VWC2: variants seen among roughly 807,000 people sequenced by gnomAD.
VWC2 encodes brorin.
VWC2 carries 14 observed loss-of-function variants against 29.8 expected under a neutral mutation model. The ratio of observed to expected loss-of-function variants is 0.47; its 90% CI spans 0.31 to 0.74. The LOEUF is 0.74. Ranked by LOEUF, VWC2 falls within the 30% of genes least tolerant of loss-of-function variation. VWC2 has a pLI of 0.05. For synonymous variants in VWC2, 213 were observed against 199.0 expected (o/e 1.07, Z -0.59); for missense variants, 457 against 459.8 (o/e 0.99, Z 0.05).
At chr7:49,878,500 T>C (rs1293394783) in intron 3 of VWC2, among the ~76,000 whole-genome samples, 2 of 152,178 alleles carry the variant, frequency 1.3e-5, no homozygotes, top group Non-Finnish European at 2.9e-5. Flanking sequence ...CTGCTTTGAC[T>C]ATTTTCTTTC....
intron 3 of VWC2, among the ~76,000 whole-genome samples, chr7:49,896,684 T>C (rs919133617): frequency 6.6e-6 from 1 of 151,856 alleles, no homozygotes; most frequent in African/African-American, 2.4e-5. Flanking sequence ...ATTACTAAAA[T>C]AAGTCATAAA....
chr7:49,791,074 T>C lies in VWC2; in HGVS notation c.697-11637T>C, dbSNP rs77387199. On this transcript the variant is annotated intron_variant, in intron 2 of 3. Coordinates refer to ENST00000340652, the MANE Select transcript of VWC2 (RefSeq NM_198570.5). ...AGTCACCAGACCTGTGGGTGTGTTTTCACTCCATAAAAAGCAGAGTTGAAA... is the reference window on the plus strand; with the variant it reads ...AGTCACCAGACCTGTGGGTGTGTTTCCACTCCATAAAAAGCAGAGTTGAAA... Among the ~76,000 whole-genome samples the C allele has an allele frequency of 1.7e-3, 263 of 152,224 alleles. 1 individual carries two copies. Among genetic ancestry groups the C allele is most frequent in the African/African-American group, 6.0e-3 (250 of 41,536 alleles).
At position 49,879,749 on chromosome 7, in the gene VWC2, TTTA is replaced by T. The variant is rs548440194; in HGVS notation, c.827-32284_827-32282del. Among the ~76,000 whole-genome samples the T allele has an allele frequency of 6.2e-3, 940 of 152,316 alleles. 7 individuals carry two copies. Among genetic ancestry groups the T allele is most frequent in the African/African-American group, 0.021 (877 of 41,576 alleles). On this transcript the variant is annotated intron_variant, in intron 3 of 3. Coordinates refer to ENST00000340652, the MANE Select transcript of VWC2 (RefSeq NM_198570.5). ...TTTTATTTCTTTCCATGGTTATTTT[TTTA>T]AATAGGCCCTTTGCTATCTTGGCTA...
chr7:49,855,712 G>A (rs1482146497), intron 3 of VWC2, among the ~76,000 whole-genome samples: 1 of 152,134 alleles, frequency 6.6e-6, no homozygotes, highest in Non-Finnish European at 1.5e-5. Context: ...AGGCAAAAAC[G>A]AGTCCCCTGA....
At chr7:49,858,995 G>A (rs535880142) in intron 3 of VWC2, among the ~76,000 whole-genome samples, 2 of 152,316 alleles carry the variant, frequency 1.3e-5, no homozygotes, top group Admixed American at 6.5e-5. Flanking sequence ...CATTGTGCTT[G>A]CTAGACATTA....
Position 49,916,161 on chromosome 7 carries a change from T to G in VWC2, c.*3976T>G, listed in dbSNP as rs533068625. Reference sequence around the variant, plus strand: ...CAACTTCTTCAGTCTATTATTTTAGTTTTCTAAATGTAGATCTAGTTTTCA... The same window carrying G: ...CAACTTCTTCAGTCTATTATTTTAGGTTTCTAAATGTAGATCTAGTTTTCA... On this transcript the variant is annotated 3_prime_UTR_variant, in exon 4 of 4. Coordinates refer to ENST00000340652, the MANE Select transcript of VWC2 (RefSeq NM_198570.5). 6.6e-6 allele frequency: 1 copy of G among 152,346 alleles called. No individual in the cohort carries two copies. The highest frequency in any genetic ancestry group is 2.4e-5 in the African/African-American group (1 of 41,582). 9.4% of individuals were successfully genotyped at this position (152,346 alleles called of 1,614,324 possible).
chr7:49,911,976 TTA>T (rs752835343), intron 3 of VWC2, 56 bp from the exon 4 acceptor site: 279 of 1,263,052 alleles, frequency 2.2e-4, no homozygotes, highest in Non-Finnish European at 2.7e-4. Flanking sequence ...TAATACCTAA[TTA>T]TATATATTAT....
chr7:49,796,175 C>T (rs1473662987), intron 2 of VWC2, among the ~76,000 whole-genome samples: 1 of 152,160 alleles, frequency 6.6e-6, no homozygotes, highest in Non-Finnish European at 1.5e-5. Flanking sequence ...ATACTTTATG[C>T]TGAATAGTTG....
chr7:49,868,671 G>A (rs964544866), intron 3 of VWC2, among the ~76,000 whole-genome samples: 15 of 152,218 alleles, frequency 9.9e-5, no homozygotes, highest in Non-Finnish European at 2.2e-4. Flanking sequence ...AGGCTGAAGT[G>A]CAATGGCACG....
intron 3 of VWC2, among the ~76,000 whole-genome samples, chr7:49,878,909 C>G (rs755675640): frequency 6.6e-6 from 1 of 152,132 alleles, no homozygotes; most frequent in Non-Finnish European, 1.5e-5. Flanking sequence ...ACTGGATAGT[C>G]TAATATGTCT....
intron 3 of VWC2, among the ~76,000 whole-genome samples, chr7:49,869,841 G>C (rs947852797): frequency 9.9e-5 from 15 of 151,902 alleles, no homozygotes; most frequent in Admixed American, 7.9e-4. Flanking sequence ...AATCCAAAAC[G>C]GGAAGCTTAC....
chr7:49,862,727 T>G (rs1790706467), intron 3 of VWC2, among the ~76,000 whole-genome samples: 1 of 131,872 alleles, frequency 7.6e-6, no homozygotes, highest in African/African-American at 3.9e-5. Context: ...TGACCATGAG[T>G]TTTTTTTTTT....
At chr7:49,795,283 A>G (rs1053251278) in intron 2 of VWC2, among the ~76,000 whole-genome samples, 5 of 152,220 alleles carry the variant, frequency 3.3e-5, no homozygotes, top group African/African-American at 1.2e-4. Flanking sequence ...ATCATCAATT[A>G]TTCATTACAC....
In VWC2 at chr7:49,912,237, G is replaced by T; in HGVS notation, c.*52G>T. 6.3e-7 allele frequency: 1 copy of T among 1,596,910 alleles called. No individual in the cohort carries two copies. Among genetic ancestry groups the T allele is most frequent in the South Asian group, 1.1e-5 (1 of 89,320 alleles). On this transcript the variant is annotated 3_prime_UTR_variant, in exon 4 of 4. Coordinates refer to ENST00000340652, the MANE Select transcript of VWC2 (RefSeq NM_198570.5). ...TTTTTCTAGAACATTTTACTGATGT[G>T]AACATTCTAGATGACTCTGGGAACT...
intron 3 of VWC2, among the ~76,000 whole-genome samples, chr7:49,849,472 A>G (rs1054787835): frequency 2.0e-5 from 3 of 152,078 alleles, no homozygotes; most frequent in African/African-American, 4.8e-5. Context: ...GGGTCTCTGG[A>G]TGGGGTTTGG....
intron 1 of VWC2, 61 bp from the exon 2 acceptor site, chr7:49,775,272 C>G: frequency 3.0e-6 from 1 of 336,108 alleles, no homozygotes; most frequent in Non-Finnish European, 5.1e-6. Flanking sequence ...GGGTGGGGGC[C>G]GCGGCGGGCC....
chr7:49,854,108 C>T (rs1790315106), intron 3 of VWC2, among the ~76,000 whole-genome samples: 1 of 152,090 alleles, frequency 6.6e-6, no homozygotes. Context: ...TTAATCCAGT[C>T]TATCATTGAT....
intron 3 of VWC2, among the ~76,000 whole-genome samples, chr7:49,815,659 G>GT (rs1789124343): frequency 2.6e-5 from 4 of 152,180 alleles, no homozygotes; most frequent in Non-Finnish European, 5.9e-5. Flanking sequence ...GACCCTTGAT[G>GT]TGAAAACCAA....
rs367561098 is a variant in VWC2, at chr7:49,847,769, A to G, written c.826+44929A>G. ...ATTTCAGCAGACTGTGAGCACAGGA[A>G]CTGCCCCTGTGTCTGGAACCTGGCC... is the stretch of plus-strand genomic sequence containing the variant. On this transcript the variant is annotated intron_variant, in intron 3 of 3. Transcript: ENST00000340652. Among the ~76,000 whole-genome samples, 6 of 152,316 alleles carry G rather than the reference A, an allele frequency of 3.9e-5. No homozygotes were observed. In the East Asian group the frequency reaches 9.7e-4, roughly 25 times the overall value.
Sources: allele counts gnomAD v4.1 joint callset (sites outside exome capture counted in the v4.1 genomes callset), GRCh38; gene constraint gnomAD v4.1.1; transcripts MANE v1.5; gene names NCBI Gene and HGNC (gene_info 2026-07-23, HGNC 2026-07-21).